Variants in SAMSN1 observed in about 807,000 individuals in gnomAD.
SAMSN1 encodes SAM domain-containing protein SAMSN-1.
A neutral mutation model predicts 42.0 loss-of-function variants in SAMSN1; 31 were observed. That is an observed-to-expected ratio of 0.74 (90% CI 0.55 to 1.00). SAMSN1 has a LOEUF of 1.00. SAMSN1 is among the 50% of genes least tolerant of loss of function. The pLI is 0.00. For missense variants in SAMSN1, 464 were observed against 439.4 expected, an observed-to-expected ratio of 1.06 and a Z score of -0.50; for synonymous variants, 178 against 151.9, an observed-to-expected ratio of 1.17 and a Z score of -1.26.
chr21:14,508,439 A>G (rs1987524214), intron 5 of SAMSN1, among the ~76,000 whole-genome samples: 1 of 152,250 alleles, frequency 6.6e-6, no homozygotes, highest in Non-Finnish European at 1.5e-5. Context: ...CAAATGGCCA[A>G]CAAACACATG....
chr21:14,510,551 A>C, intron 4 of SAMSN1, 90 bp from the exon 5 acceptor site: 1 of 1,429,628 alleles, frequency 7.0e-7, no homozygotes, highest in Non-Finnish European at 9.8e-7. Flanking sequence ...ATAATGCTGG[A>C]ACACTGGATG....
upstream of SAMSN1, among the ~76,000 whole-genome samples, chr21:14,586,240 G>A (rs1286580594): frequency 8.1e-6 from 1 of 124,222 alleles, no homozygotes; most frequent in Non-Finnish European, 1.6e-5. Flanking sequence ...TCCAGCCTGG[G>A]TGACAGAACG....
chr21:14,496,943 C>T (rs1414768529), intron 7 of SAMSN1, among the ~76,000 whole-genome samples: 1 of 152,188 alleles, frequency 6.6e-6, no homozygotes, highest in African/African-American at 2.4e-5. Flanking sequence ...TGTGCTCTAC[C>T]TCAGTTTTGT....
intron 2 of SAMSN1, among the ~76,000 whole-genome samples, chr21:14,623,339 G>A (rs930237605): frequency 6.6e-6 from 1 of 152,174 alleles, no homozygotes. Flanking sequence ...TGGATAAAGA[G>A]TCAAGACCCA....
intron 2 of SAMSN1, among the ~76,000 whole-genome samples, chr21:14,552,734 C>T (rs975763798): frequency 1.3e-5 from 2 of 152,094 alleles, no homozygotes; most frequent in Admixed American, 6.6e-5. Flanking sequence ...AAGTTACTAC[C>T]ATAAGCACAT....
Position 14,589,168 on chromosome 21 carries a change from T to C in SAMSN1, c.465+4845A>G, listed in dbSNP as rs1982009218. Among the ~76,000 whole-genome samples, 2 of 152,152 alleles carry C rather than the reference T, an allele frequency of 1.3e-5. 1 individual carries two copies. The highest frequency in any genetic ancestry group is 4.1e-4 in the South Asian group (2 of 4,830). ...TTTAGAAGATAGCATCAATGAATTA[T>C]TGAACTGGATTAGTCCTACGATCAT... On this transcript the variant is annotated intron_variant, in intron 7 of 15. Transcript: ENST00000647101.
At chr21:14,515,981 A>T (rs1473858437) in intron 3 of SAMSN1, among the ~76,000 whole-genome samples, 1 of 152,246 alleles carries the variant, frequency 6.6e-6, no homozygotes, top group Non-Finnish European at 1.5e-5. Context: ...ATCCACTAGG[A>T]TGGCTAGTAT....
At chr21:14,593,908 A>C in intron 7 of SAMSN1, 1 of 633,836 alleles carries the variant, frequency 1.6e-6, no homozygotes, top group Non-Finnish European at 2.9e-6. Context: ...AGCTGAAAAC[A>C]GAAGTAATAA....
intron 1 of SAMSN1, 63 bp downstream of exon 1, chr21:14,546,142 C>A: frequency 7.3e-7 from 1 of 1,376,208 alleles, no homozygotes. Context: ...TTCAAACACA[C>A]ATATGTGTTT....
rs199785278 is a variant in SAMSN1, at chr21:14,622,277, AC to A, written c.157-6262del. Among the ~76,000 whole-genome samples the A allele has an allele frequency of 3.3e-5, 5 of 152,256 alleles. No individual in the cohort carries two copies. The East Asian group carries it at 7.7e-4, about 23-fold the overall frequency. ...ATGGAACAAAGCTGGATGGACAATG[AC>A]TTTGACAAGTTGAGAGAAGAAGGCT... On this transcript the variant is annotated intron_variant, in intron 2 of 15. Transcript: ENST00000647101.
At chr21:14,510,491 T>C (rs764430891) in intron 4 of SAMSN1, 30 bp from the exon 5 acceptor site, 1 of 1,613,082 alleles carries the variant, frequency 6.2e-7, no homozygotes, top group Non-Finnish European at 8.5e-7. Context: ...ACAGTTGTCA[T>C]GGAAGACTTA....
intron 1 of SAMSN1, among the ~76,000 whole-genome samples, chr21:14,652,150 A>C (rs464381): frequency 0.77 from 116,660 of 151,922 alleles, 45,305 homozygotes; most frequent in Middle Eastern, 0.89. Context: ...CAACCTCAGT[A>C]AAAATACCAG....
chr21:14,612,684 A>G (rs1186798412), intron 4 of SAMSN1: 1 of 647,644 alleles, frequency 1.5e-6, no homozygotes, highest in Non-Finnish European at 2.9e-6. Flanking sequence ...AAATAAATCA[A>G]TGATTTCTTT....
chr21:14,517,503 G>A (rs73344180), intron 2 of SAMSN1, among the ~76,000 whole-genome samples: 4,726 of 152,230 alleles, frequency 0.031, 233 homozygotes, highest in African/African-American at 0.11. Flanking sequence ...TAGAAATTGA[G>A]ATGATTGTGG....
intron 2 of SAMSN1, among the ~76,000 whole-genome samples, chr21:14,552,093 G>A (rs6516875): frequency 0.54 from 81,415 of 151,892 alleles, 22,281 homozygotes; most frequent in East Asian, 0.79. Flanking sequence ...TAAATCTGCA[G>A]CCAATCCAGA....
intron 2 of SAMSN1, among the ~76,000 whole-genome samples, chr21:14,579,827 T>C (rs1422025557): frequency 6.6e-6 from 1 of 152,188 alleles, no homozygotes; most frequent in East Asian, 1.9e-4. Flanking sequence ...ATAGGAACTA[T>C]GGAGGATACA....
intron 1 of SAMSN1, among the ~76,000 whole-genome samples, chr21:14,526,543 T>C (rs2822740): frequency 0.27 from 41,483 of 152,126 alleles, 6,594 homozygotes; most frequent in South Asian, 0.35. Context: ...CAAAACAATC[T>C]TAATTATTAC....
chr21:14,511,770 T>G (rs767604656), intron 4 of SAMSN1, among the ~76,000 whole-genome samples: 2 of 152,248 alleles, frequency 1.3e-5, no homozygotes, highest in Non-Finnish European at 2.9e-5. Context: ...AAATCCTGAG[T>G]GATTTCCTTC....
chr21:14,544,758 A>G (rs1295841012), intron 1 of SAMSN1, among the ~76,000 whole-genome samples: 1 of 152,174 alleles, frequency 6.6e-6, no homozygotes, highest in Non-Finnish European at 1.5e-5. Flanking sequence ...GATGGAGTAA[A>G]GTATCATTTT....
Sources: allele counts gnomAD v4.1 joint callset (sites outside exome capture counted in the v4.1 genomes callset), GRCh38; gene constraint gnomAD v4.1.1; transcripts MANE v1.5; gene names NCBI Gene and HGNC (gene_info 2026-07-23, HGNC 2026-07-21).